Variants in ZNF330 observed in about 807,000 individuals in gnomAD.
ZNF330 encodes zinc finger protein 330.
A neutral mutation model predicts 45.5 loss-of-function variants in ZNF330; 31 were observed. The observed-to-expected ratio is 0.68, with a 90% CI of 0.51 to 0.92. The LOEUF (loss-of-function observed/expected upper bound fraction) is 0.92, where lower values mean the gene tolerates loss of function less well. Ranked by LOEUF, ZNF330 falls within the 40% of genes least tolerant of loss-of-function variation. ZNF330 has a pLI of 0.00. For synonymous variants in ZNF330, 138 were observed against 123.2 expected, an observed-to-expected ratio of 1.12 and a Z score of -0.79; for missense variants, 356 against 387.4, an observed-to-expected ratio of 0.92 and a Z score of 0.68.
At chr4:141,222,043 T>C (rs1441507450) in intron 1 of ZNF330, among the ~76,000 whole-genome samples, 1 of 152,198 alleles carries the variant, frequency 6.6e-6, no homozygotes, top group African/African-American at 2.4e-5. Context: ...TCATTTGTTT[T>C]AATGAGGTGC....
intron 2 of ZNF330, 102 bp downstream of exon 2, chr4:141,222,593 T>C: frequency 1.5e-6 from 2 of 1,305,226 alleles, no homozygotes; most frequent in Non-Finnish European, 2.1e-6. Flanking sequence ...TGTTTTTGCA[T>C]ATAGTTTGTT....
rs112619208 is a variant in ZNF330, at chr4:141,229,204, A to G, written c.292-367A>G. On this transcript the variant is annotated intron_variant, in intron 5 of 9. Transcript: ENST00000262990. ...ATTCAGTGTAGTTACAGGAATTATTATAGACAAGAAAGCTTAAGCTGTTGG... is the reference window on the plus strand; with the variant it reads ...ATTCAGTGTAGTTACAGGAATTATTGTAGACAAGAAAGCTTAAGCTGTTGG... Among the ~76,000 whole-genome samples, 435 of 151,504 alleles carry G rather than the reference A, an allele frequency of 2.9e-3. 3 individuals are homozygous for G. Among genetic ancestry groups the G allele is most frequent in the African/African-American group, 0.01 (419 of 40,816 alleles).
Position 141,234,019 on chromosome 4 carries a change from G to C in ZNF330, c.*30G>C, listed in dbSNP as rs201028210. 1.9e-6 allele frequency: 3 copies of C among 1,588,546 alleles called. No homozygotes were observed. Among genetic ancestry groups the C allele is most frequent in the Non-Finnish European group, 2.6e-6 (3 of 1,167,538 alleles). On this transcript the variant is annotated 3_prime_UTR_variant, in exon 10 of 10. Coordinates refer to ENST00000262990, the MANE Select transcript of ZNF330 (RefSeq NM_014487.6). ...GCTGCTCTGGTGGCCGTGTGTGAGAGGAGCAGGAGTGAGTGTGTGTGCTTG... is the reference window on the plus strand; with the variant it reads ...GCTGCTCTGGTGGCCGTGTGTGAGACGAGCAGGAGTGAGTGTGTGTGCTTG...
Position 141,233,793 on chromosome 4 carries a change from A to C in ZNF330, c.767A>C (p.Asn256Thr). 6.2e-7 allele frequency: 1 copy of C among 1,613,628 alleles called. No homozygotes were observed. The part of the protein sequence containing the change: ...GASGYDAYWK[N>T]LSSDKYGDTS... The stretch of plus-strand genomic sequence containing the variant: ...TCTGGGTATGATGCTTATTGGAAGA[A>C]CCTTTCATCTGATAAGTATGGTGAT... The change falls in exon 10 of 10, where the codon AAC becomes ACC. Residue 256 changes from asparagine (N) to threonine (T), a missense_variant. Asn to Thr is a moderately conservative substitution (Grantham distance 65). Coordinates refer to ENST00000262990, the MANE Select transcript of ZNF330 (RefSeq NM_014487.6).
chr4:141,231,590 A>G (rs1560788455), intron 8 of ZNF330, 105 bp downstream of exon 8: 2 of 743,532 alleles, frequency 2.7e-6, no homozygotes, highest in Admixed American at 3.0e-5. Context: ...AAGGGACCTT[A>G]AAATTATGTA....
intron 4 of ZNF330, among the ~76,000 whole-genome samples, chr4:141,225,863 TG>T (rs1346817973): frequency 6.6e-6 from 1 of 152,062 alleles, no homozygotes; most frequent in Non-Finnish European, 1.5e-5. Flanking sequence ...GCTTAAATTT[TG>T]TAGTGTTGTT....
chr4:141,230,419 G>A (rs732624), intron 7 of ZNF330, 149 bp downstream of exon 7: 302,497 of 547,022 alleles, frequency 0.55, 89,725 homozygotes, highest in African/African-American at 0.89. Flanking sequence ...CTAGAAAACA[G>A]AACAGTCAGA....
chr4:141,228,278 ACT>A (rs1560786664), intron 5 of ZNF330, among the ~76,000 whole-genome samples: 1 of 152,170 alleles, frequency 6.6e-6, no homozygotes, highest in Admixed American at 6.6e-5. Context: ...TTTTAAAATC[ACT>A]GTTTTTTGAA....
At chr4:141,231,057 T>C (rs560559886) in intron 7 of ZNF330, among the ~76,000 whole-genome samples, 60 of 152,208 alleles carry the variant, frequency 3.9e-4, no homozygotes, top group African/African-American at 1.4e-3. Flanking sequence ...ATTATTATAC[T>C]TATTTATAAA....
intron 9 of ZNF330, among the ~76,000 whole-genome samples, chr4:141,233,047 C>G (rs143919619): frequency 5.9e-5 from 9 of 151,960 alleles, no homozygotes; most frequent in African/African-American, 2.2e-4. Flanking sequence ...ATTTGAGCAC[C>G]TATGTTTATT....
intron 2 of ZNF330, chr4:141,223,827 G>T: frequency 2.2e-6 from 1 of 454,552 alleles, no homozygotes; most frequent in Non-Finnish European, 4.4e-6. Flanking sequence ...AGAAGAGGTG[G>T]GATTTTCACC....
intron 4 of ZNF330, among the ~76,000 whole-genome samples, chr4:141,226,440 T>G (rs57471187): frequency 6.6e-6 from 1 of 152,108 alleles, no homozygotes; most frequent in Non-Finnish European, 1.5e-5. Flanking sequence ...AATCTGAAGA[T>G]TGATAAGTTT....
chr4:141,233,078 T>C (rs970587379), intron 9 of ZNF330, among the ~76,000 whole-genome samples: 12 of 152,122 alleles, frequency 7.9e-5, no homozygotes, highest in African/African-American at 2.7e-4. Flanking sequence ...AGCACTACTA[T>C]AGGAAATTAT....
chr4:141,228,154 C>T (rs984749922), intron 5 of ZNF330, among the ~76,000 whole-genome samples: 6 of 151,996 alleles, frequency 3.9e-5, no homozygotes, highest in South Asian at 2.1e-4. Context: ...AAGCAAGGAG[C>T]GAGAATTATC....
At chr4:141,223,918 C>A in intron 2 of ZNF330, 1 of 384,702 alleles carries the variant, frequency 2.6e-6, no homozygotes, top group Non-Finnish European at 5.2e-6. Context: ...GAATATAAGA[C>A]ATATTTGGAG....
chr4:141,222,343 T>C, intron 1 of ZNF330, 23 bp from the exon 2 acceptor site: 2 of 1,607,098 alleles, frequency 1.2e-6, no homozygotes, highest in Non-Finnish European at 1.7e-6. Context: ...TTATATCTTT[T>C]CTGTTCTCTT....
At position 141,234,204 on chromosome 4, in the gene ZNF330, TTGA is replaced by T; in HGVS notation, c.*217_*219del. The T allele has an allele frequency of 1.1e-6, 1 of 885,200 alleles. No homozygotes were observed. The highest frequency in any genetic ancestry group is 1.5e-6 in the Non-Finnish European group (1 of 653,432). 54.8% of individuals were successfully genotyped at this position (885,200 alleles called of 1,614,324 possible). ...ATGAGTTTCAAATTTAAGATGTTTA[TTGA>T]TCGAAGCAATTGAAGTATCATGGAT... is the stretch of plus-strand genomic sequence containing the variant. On this transcript the variant is annotated 3_prime_UTR_variant, in exon 10 of 10. Coordinates refer to ENST00000262990, the MANE Select transcript of ZNF330 (RefSeq NM_014487.6).
intron 4 of ZNF330, 145 bp from the exon 5 acceptor site, chr4:141,226,622 G>T: frequency 1.7e-6 from 1 of 572,676 alleles, no homozygotes; most frequent in East Asian, 3.0e-5. Context: ...TCTCTTTCTA[G>T]TTATGTAAGC....
chr4:141,228,008 A>C (rs894176012), intron 5 of ZNF330, among the ~76,000 whole-genome samples: 2 of 152,142 alleles, frequency 1.3e-5, no homozygotes, highest in African/African-American at 4.8e-5. Flanking sequence ...AATTTTGTTC[A>C]AATTTTAATC....
Sources: gnomAD v4.1 joint callset for allele counts (sites outside exome capture counted in the v4.1 genomes callset) on GRCh38, gnomAD v4.1.1 for gene constraint, MANE v1.5 for transcripts, NCBI Gene and HGNC (gene_info 2026-07-23, HGNC 2026-07-21) for gene names.